NMT1: variants seen among roughly 807,000 people sequenced by gnomAD.
NMT1 encodes the protein N-myristoyltransferase 1, also known as glycylpeptide N-tetradecanoyltransferase 1.
Under a neutral mutation model 63.4 loss-of-function variants are expected in NMT1, and 12 were observed. The observed-to-expected ratio is 0.19, with a 90% CI of 0.12 to 0.31. The LOEUF (loss-of-function observed/expected upper bound fraction) is 0.31, where lower values mean the gene tolerates loss of function less well. Ranked by LOEUF, NMT1 falls within the 10% of genes least tolerant of loss-of-function variation. The probability of loss-of-function intolerance (pLI) is 1.00; values close to 1 mark genes in which losing one functional copy is unlikely to be tolerated. For missense variants in NMT1, 432 were observed against 634.6 expected, an observed-to-expected ratio of 0.68 and a Z score of 3.43; for synonymous variants, 228 against 234.3, an observed-to-expected ratio of 0.97 and a Z score of 0.25.
chr17:45,071,145 T>C (rs1022610189), intron 1 of NMT1, among the ~76,000 whole-genome samples: 7 of 152,230 alleles, frequency 4.6e-5, no homozygotes, highest in Admixed American at 6.5e-5. Flanking sequence ...GCAAAAGGAT[T>C]TCCTGATGTC....
Position 45,105,343 on chromosome 17 carries a change from C to T in NMT1, c.1471-276C>T, listed in dbSNP as rs1236570956. On this transcript the variant is annotated intron_variant, in intron 11 of 11. Coordinates refer to ENST00000258960, the MANE Select transcript of NMT1 (RefSeq NM_021079.5). This position sits in a 1 kb window ranked among gnomAD's most constrained non-coding sequence, Gnocchi z 4.2. ...AGGTTTCCTCTCCTGAGCTGCTGCC[C>T]TCTTCTGGCATGACACTTTCTTAGC... 1.3e-5 allele frequency among the ~76,000 whole-genome samples: 2 copies of T among 152,168 alleles called. No homozygotes were observed. Among genetic ancestry groups the T allele is most frequent in the Non-Finnish European group, 2.9e-5 (2 of 68,032 alleles).
At position 45,105,931 on chromosome 17, in the gene NMT1, T is replaced by A. The variant is rs2054200273; in HGVS notation, c.*292T>A. On this transcript the variant is annotated 3_prime_UTR_variant, in exon 12 of 12. Coordinates refer to ENST00000258960, the MANE Select transcript of NMT1 (RefSeq NM_021079.5). This position sits in a 1 kb window ranked among gnomAD's most constrained non-coding sequence, Gnocchi z 4.2. ...TGAAAACTAGCTCGTGATTGGCATATAATGGAGTTAACGGGTGAATAATAA... is the reference window on the plus strand; with the variant it reads ...TGAAAACTAGCTCGTGATTGGCATAAAATGGAGTTAACGGGTGAATAATAA... The A allele has an allele frequency of 3.2e-6, 1 of 314,426 alleles. No homozygotes were observed. Among genetic ancestry groups the A allele is most frequent in the African/African-American group, 2.2e-5 (1 of 45,406 alleles). 19.5% of individuals were successfully genotyped at this position (314,426 alleles called of 1,614,324 possible). A position where few individuals can be genotyped will look rare whatever the true frequency, so the allele number is the denominator to read the frequency against.
chr17:45,091,694 T>C lies in NMT1; in HGVS notation c.386-1991T>C, dbSNP rs369250914. ...TACATAGCTGTCAGTTGGAAGCGGA[T>C]TGACTTAAATTCACAAGAGCTACTT... On this transcript the variant is annotated intron_variant, in intron 3 of 11. Transcript: ENST00000258960. Among the ~76,000 whole-genome samples, 56 of 152,224 alleles carry C rather than the reference T, an allele frequency of 3.7e-4. 3 individuals are homozygous for C. The East Asian group carries it at 8.3e-3, about 23-fold the overall frequency.
At chr17:45,073,802 C>A (rs2053958453) in intron 1 of NMT1, among the ~76,000 whole-genome samples, 1 of 152,178 alleles carries the variant, frequency 6.6e-6, no homozygotes, top group Non-Finnish European at 1.5e-5. Context: ...TGGTTGATAA[C>A]CAATTTGCCT....
At chr17:45,096,652 G>A (rs376451868) in intron 5 of NMT1, among the ~76,000 whole-genome samples, 210 of 152,342 alleles carry the variant, frequency 1.4e-3, no homozygotes, top group African/African-American at 4.4e-3. Context: ...GCCTGGCTGA[G>A]CCATCCACCT....
Position 45,104,230 on chromosome 17 carries a change from T to C in NMT1, c.1332+354T>C. 2 of 1,214,742 alleles carry C rather than the reference T, an allele frequency of 1.6e-6. No individual in the cohort carries two copies. The highest frequency in any genetic ancestry group is 2.1e-6 in the Non-Finnish European group (2 of 961,034). 75.2% of individuals were successfully genotyped at this position (1,214,742 alleles called of 1,614,324 possible). On this transcript the variant is annotated intron_variant, in intron 10 of 11. Transcript: ENST00000258960. This position sits in a 1 kb window ranked among gnomAD's most constrained non-coding sequence, Gnocchi z 4.2. ...GGTGATTGCTGTCTGTCGTGGTGAG[T>C]CATTGGAGCATCCAACTGCCAGTAG...
intron 8 of NMT1, 38 bp from the exon 9 acceptor site, chr17:45,102,913 C>G: frequency 6.4e-7 from 1 of 1,571,788 alleles, no homozygotes; most frequent in Non-Finnish European, 8.7e-7. Context: ...CCAGGGTGAT[C>G]AGCTCATCTC....
intron 3 of NMT1, among the ~76,000 whole-genome samples, chr17:45,091,524 A>G (rs2054088044): frequency 2.0e-5 from 3 of 152,196 alleles, no homozygotes; most frequent in Admixed American, 2.0e-4. Context: ...ATTCTTGGCC[A>G]TGGAAATAAT....
intron 1 of NMT1, among the ~76,000 whole-genome samples, chr17:45,080,465 CTTT>C (rs35346554): frequency 5.0e-4 from 35 of 70,162 alleles, no homozygotes; most frequent in African/African-American, 6.3e-4. Flanking sequence ...CAGCCTTTTC[CTTT>C]TTTTTTTTTT....
chr17:45,081,268 T>C (rs185580072), intron 1 of NMT1, among the ~76,000 whole-genome samples: 1 of 152,384 alleles, frequency 6.6e-6, no homozygotes, highest in East Asian at 1.9e-4. Context: ...GCCTTTTGGC[T>C]GTCATCCTTT....
At chr17:45,101,616 G>A (rs1322408180) in intron 8 of NMT1, among the ~76,000 whole-genome samples, 1 of 48,972 alleles carries the variant, frequency 2.0e-5, no homozygotes, top group African/African-American at 8.4e-5. Context: ...AGACTCCGTC[G>A]CAAAAAAAAA....
At chr17:45,081,557 G>A (rs764116937) in intron 1 of NMT1, 87 bp from the exon 2 acceptor site, 474 of 1,177,498 alleles carry the variant, frequency 4.0e-4, no homozygotes, top group Non-Finnish European at 5.3e-4. Flanking sequence ...ATTAAGGAAG[G>A]TCTGGCTCCA....
At position 45,104,644 on chromosome 17, in the gene NMT1, A is replaced by C; in HGVS notation, c.1333-215A>C. 1 of 1,408,106 alleles carries C rather than the reference A, an allele frequency of 7.1e-7. No homozygotes were observed. The highest frequency in any genetic ancestry group is 9.2e-7 in the Non-Finnish European group (1 of 1,082,306). 87.2% of individuals were successfully genotyped at this position (1,408,106 alleles called of 1,614,324 possible). The stretch of plus-strand genomic sequence containing the variant: ...ACTGAGTACATATGTGTACACTCTG[A>C]GGGACACTGGGCAGAGGCCAGGCTG... On this transcript the variant is annotated intron_variant, in intron 10 of 11. Transcript: ENST00000258960. This position sits in a 1 kb window ranked among gnomAD's most constrained non-coding sequence, Gnocchi z 4.2.
At chr17:45,066,621 TGTATACATATAG>T (rs935599637) in intron 1 of NMT1, among the ~76,000 whole-genome samples, 5 of 152,024 alleles carry the variant, frequency 3.3e-5, no homozygotes, top group Admixed American at 3.3e-4. Context: ...AAACCCTTCA[TGTATACATATAG>T]GTATACATGC....
intron 2 of NMT1, among the ~76,000 whole-genome samples, chr17:45,086,123 TC>T (rs998077874): frequency 8.2e-6 from 1 of 121,286 alleles, no homozygotes; most frequent in Non-Finnish European, 1.7e-5. Context: ...CGCCCAGCAC[TC>T]TTTTTTTTTT....
intron 1 of NMT1, among the ~76,000 whole-genome samples, chr17:45,069,754 A>T (rs1285232173): frequency 6.6e-6 from 1 of 151,952 alleles, no homozygotes; most frequent in African/African-American, 2.4e-5. Flanking sequence ...GGCTCCATTT[A>T]ACAGCCTATG....
rs2054152279 is a variant in NMT1 at position 45,100,177 on chromosome 17, C to T, written c.993+664C>T. On this transcript the variant is annotated intron_variant, in intron 8 of 11. Transcript: ENST00000258960. ...AGTCACAGCTCACTGCAGCCTCGAC[C>T]TCCCAGACTCAACTGATTCTCCCAC... 2.0e-5 allele frequency among the ~76,000 whole-genome samples: 3 copies of T among 152,146 alleles called. No individual in the cohort carries two copies. The South Asian group carries it at 6.2e-4, about 32-fold the overall frequency.
chr17:45,101,655 ATCTCT>A lies in NMT1; in HGVS notation c.994-1289_994-1285del, dbSNP rs1226997603. Among the ~76,000 whole-genome samples, 54 of 151,164 alleles carry A rather than the reference ATCTCT, an allele frequency of 3.6e-4. 1 individual carries two copies. Among genetic ancestry groups the A allele is most frequent in the Middle Eastern group, 3.4e-3 (1 of 294 alleles). On this transcript the variant is annotated intron_variant, in intron 8 of 11. Coordinates refer to ENST00000258960, the MANE Select transcript of NMT1 (RefSeq NM_021079.5). Reference sequence around the variant, plus strand: ...AAAAAAAAAAGGAAAGAAAGAAAAAATCTCTTCTCTTTCCTCGGAGTGCTTCTTCC... The same window carrying A: ...AAAAAAAAAAGGAAAGAAAGAAAAAATCTCTTTCCTCGGAGTGCTTCTTCC...
intron 1 of NMT1, among the ~76,000 whole-genome samples, chr17:45,074,024 TCTC>T (rs1439487061): frequency 1.3e-5 from 2 of 152,030 alleles, no homozygotes; most frequent in African/African-American, 4.8e-5. Flanking sequence ...AAGTTCCTCT[TCTC>T]CTGCTGTTCA....
Sources: allele counts gnomAD v4.1 joint callset (sites outside exome capture counted in the v4.1 genomes callset), GRCh38; gene constraint gnomAD v4.1.1; non-coding constraint Gnocchi (gnomAD v3.1); transcripts MANE v1.5; gene names NCBI Gene and HGNC (gene_info 2026-07-23, HGNC 2026-07-21).